Variants in LHFPL6 observed in about 807,000 individuals in gnomAD.
LHFPL6 encodes LHFPL tetraspan subfamily member 6.
A neutral mutation model predicts 20.6 loss-of-function variants in LHFPL6; 9 were observed. The observed-to-expected ratio is 0.44, with a 90% CI of 0.26 to 0.76. LHFPL6 has a LOEUF of 0.76. LHFPL6 is among the 30% of genes least tolerant of loss of function. LHFPL6 has a pLI of 0.20. For synonymous variants in LHFPL6, 105 were observed against 98.7 expected (o/e 1.06, Z -0.38); for missense variants, 218 against 253.5 (o/e 0.86, Z 0.95).
At chr13:39,438,200 A>G (rs1872017592) in intron 2 of LHFPL6, among the ~76,000 whole-genome samples, 1 of 152,228 alleles carries the variant, frequency 6.6e-6, no homozygotes, top group African/African-American at 2.4e-5. Context: ...GCTACGCTTT[A>G]GCACAGCCTG....
At chr13:39,511,569 A>T (rs2138475278) in intron 2 of LHFPL6, among the ~76,000 whole-genome samples, 1 of 152,316 alleles carries the variant, frequency 6.6e-6, no homozygotes, top group Admixed American at 6.5e-5. Context: ...GTAAAAATTA[A>T]GCATTCCAGG....
chr13:39,357,026 T>C (rs903091165), intron 3 of LHFPL6, among the ~76,000 whole-genome samples: 1 of 151,942 alleles, frequency 6.6e-6, no homozygotes, highest in African/African-American at 2.4e-5. Flanking sequence ...TAAAACGTTA[T>C]CTGGGTGTGG....
At chr13:39,507,893 T>TCCTTCCTTCCTC (rs1555265411) in intron 2 of LHFPL6, among the ~76,000 whole-genome samples, 1 of 103,354 alleles carries the variant, frequency 9.7e-6, no homozygotes, top group African/African-American at 3.4e-5. Flanking sequence ...TCCCCTCCCT[T>TCCTTCCTTCCTC]CCTTCCTTCC....
chr13:39,562,429 T>TACACATATAC (rs1555268245), intron 2 of LHFPL6, among the ~76,000 whole-genome samples: 4 of 142,824 alleles, frequency 2.8e-5, no homozygotes, highest in Non-Finnish European at 6.0e-5. Flanking sequence ...TATACATATA[T>TACACATATAC]ACATATATAC....
chr13:39,441,362 C>T (rs934074121), intron 2 of LHFPL6, among the ~76,000 whole-genome samples: 8 of 151,902 alleles, frequency 5.3e-5, no homozygotes, highest in Non-Finnish European at 1.2e-4. Flanking sequence ...AACACCTAAA[C>T]TACCCTAGAC....
chr13:39,419,800 T>C (rs1043292318), intron 2 of LHFPL6, among the ~76,000 whole-genome samples: 1 of 152,168 alleles, frequency 6.6e-6, no homozygotes, highest in African/African-American at 2.4e-5. Flanking sequence ...TTCTATCTTT[T>C]CCTGAGAGTC....
intron 2 of LHFPL6, among the ~76,000 whole-genome samples, chr13:39,535,735 T>C (rs1045824144): frequency 2.0e-5 from 3 of 152,190 alleles, no homozygotes; most frequent in Non-Finnish European, 4.4e-5. Flanking sequence ...TTAAAGCAAA[T>C]AAGAAATTAA....
intron 2 of LHFPL6, among the ~76,000 whole-genome samples, chr13:39,588,448 A>T (rs1872516172): frequency 6.6e-6 from 1 of 152,242 alleles, no homozygotes; most frequent in East Asian, 1.9e-4. Flanking sequence ...TTACAAGTAA[A>T]TAGGGCCCTG....
chr13:39,576,660 G>T (rs998226060), intron 2 of LHFPL6, among the ~76,000 whole-genome samples: 2 of 151,962 alleles, frequency 1.3e-5, no homozygotes, highest in African/African-American at 2.4e-5. Context: ...TTGAGACAGG[G>T]TCTCACTCCA....
rs73177114 is a variant in LHFPL6 at position 39,571,367 on chromosome 13, G to A, written c.385+29465C>T. On this transcript the variant is annotated intron_variant, in intron 2 of 3. Coordinates refer to ENST00000379589, the MANE Select transcript of LHFPL6 (RefSeq NM_005780.3). Reference sequence around the variant, plus strand: ...CCTTTCCTAATTGGTCTTCTACACCGTCATATCCAACTTTGAGTGGTGTCT... The same window carrying A: ...CCTTTCCTAATTGGTCTTCTACACCATCATATCCAACTTTGAGTGGTGTCT... 8.3e-3 allele frequency among the ~76,000 whole-genome samples: 1,256 copies of A among 152,194 alleles called. 5 individuals are homozygous for A. Among genetic ancestry groups the A allele is most frequent in the African/African-American group, 0.014 (593 of 41,520 alleles).
At chr13:39,517,571 G>A (rs1342521925) in intron 2 of LHFPL6, among the ~76,000 whole-genome samples, 2 of 152,108 alleles carry the variant, frequency 1.3e-5, no homozygotes, top group African/African-American at 4.8e-5. Context: ...TTTCTGTCCA[G>A]CTTTCCTCAA....
At chr13:39,376,456 G>T (rs1052690210) in intron 3 of LHFPL6, among the ~76,000 whole-genome samples, 1 of 152,106 alleles carries the variant, frequency 6.6e-6, no homozygotes, top group Non-Finnish European at 1.5e-5. Flanking sequence ...TCTCTTATTT[G>T]TTTTATCCAT....
intron 2 of LHFPL6, among the ~76,000 whole-genome samples, chr13:39,521,911 T>C (rs1566132000): frequency 6.6e-6 from 1 of 152,204 alleles, no homozygotes; most frequent in Non-Finnish European, 1.5e-5. Context: ...ATTAGTGACG[T>C]GAAAGTTAAT....
rs1300522802 is a variant in LHFPL6, at chr13:39,601,321, G to A, written c.-105C>T. On this transcript the variant is annotated 5_prime_UTR_variant, in exon 2 of 4. In the 5' UTR this introduces an upstream ATG that the reference lacks. Coordinates refer to ENST00000379589, the MANE Select transcript of LHFPL6 (RefSeq NM_005780.3). ...GGACCCACAGATAATCCACAGTTCC[G>A]TAATGCAGAATGGATCTTCAGTCTT... 6.0e-6 allele frequency: 7 copies of A among 1,160,524 alleles called. No homozygotes were observed. The highest frequency in any genetic ancestry group is 3.6e-6 in the Non-Finnish European group (3 of 841,076). The allele number at this position is 1,160,524 out of a possible 1,614,324, so 71.9% of individuals were successfully genotyped here. A position where few individuals can be genotyped will look rare whatever the true frequency, so the allele number is the denominator to read the frequency against.
intron 2 of LHFPL6, among the ~76,000 whole-genome samples, chr13:39,538,331 G>T (rs1401552739): frequency 4.0e-5 from 6 of 150,892 alleles, no homozygotes; most frequent in Non-Finnish European, 8.8e-5. Context: ...CTAAGCTAAT[G>T]GTCAAATTTA....
chr13:39,450,337 T>C (rs953919612), intron 2 of LHFPL6, among the ~76,000 whole-genome samples: 2 of 152,230 alleles, frequency 1.3e-5, no homozygotes, highest in Middle Eastern at 3.2e-3. Flanking sequence ...GCTGGCATCA[T>C]GGTACTGCAT....
In LHFPL6 at chr13:39,399,198, G is replaced by T. The variant is rs185826078; in HGVS notation, c.386-20672C>A. 3.3e-5 allele frequency among the ~76,000 whole-genome samples: 5 copies of T among 152,284 alleles called. No homozygotes were observed. The East Asian group carries it at 9.6e-4, about 29-fold the overall frequency. ...GCCAAAAGAGCATAGGGTCAATCTG[G>T]TTTATTCTGCTGGCTTCTATTAAAA... is the stretch of plus-strand genomic sequence containing the variant. On this transcript the variant is annotated intron_variant, in intron 2 of 3. Transcript: ENST00000379589.
At chr13:39,537,740 C>T (rs1236115196) in intron 2 of LHFPL6, among the ~76,000 whole-genome samples, 1 of 152,006 alleles carries the variant, frequency 6.6e-6, no homozygotes, top group African/African-American at 2.4e-5. Flanking sequence ...AGAACCCAAA[C>T]AAAGCACAAT....
chr13:39,524,173 A>C (rs1870212102), intron 2 of LHFPL6, among the ~76,000 whole-genome samples: 1 of 152,338 alleles, frequency 6.6e-6, no homozygotes, highest in Non-Finnish European at 1.5e-5. Context: ...GCGCTCAAGA[A>C]GTAAATATTC....
Sources: allele counts gnomAD v4.1 joint callset (sites outside exome capture counted in the v4.1 genomes callset), GRCh38; gene constraint gnomAD v4.1.1; transcripts MANE v1.5; gene names NCBI Gene and HGNC (gene_info 2026-07-23, HGNC 2026-07-21).